Variants in CENPC observed in about 807,000 individuals in gnomAD.
CENPC encodes centromere protein C.
Under a neutral mutation model 112.1 loss-of-function variants are expected in CENPC, and 63 were observed. That is an observed-to-expected ratio of 0.56 (90% CI 0.46 to 0.69). The LOEUF is 0.69. CENPC is among the 30% of genes least tolerant of loss of function. CENPC has a pLI of 0.00. For synonymous variants in CENPC, 333 were observed against 367.6 expected (o/e 0.91, Z 1.08); for missense variants, 1,000 against 1,103.8 (o/e 0.91, Z 1.33).
chr4:67,494,549 G>A (rs953064886), intron 13 of CENPC, among the ~76,000 whole-genome samples: 1 of 151,368 alleles, frequency 6.6e-6, no homozygotes, highest in African/African-American at 2.4e-5. Flanking sequence ...CTAAGTTCTG[G>A]AGTAAGGCAA....
At chr4:67,498,986 G>C (rs1347304587) in intron 12 of CENPC, among the ~76,000 whole-genome samples, 1 of 152,156 alleles carries the variant, frequency 6.6e-6, no homozygotes, top group Non-Finnish European at 1.5e-5. Context: ...ATTATTCCTT[G>C]ATCCATGCAT....
chr4:67,485,346 C>T (rs1483002490), intron 17 of CENPC, among the ~76,000 whole-genome samples: 1 of 152,194 alleles, frequency 6.6e-6, no homozygotes, highest in Non-Finnish European at 1.5e-5. Context: ...ATAGGTAGCA[C>T]ACACTGGCAG....
At chr4:67,493,535 C>A in intron 14 of CENPC, 1 of 204,984 alleles carries the variant, frequency 4.9e-6, no homozygotes, top group Non-Finnish European at 9.9e-6. Flanking sequence ...TCTTGCCCAC[C>A]CTACACTACT....
chr4:67,478,595 C>T (rs939136515), intron 17 of CENPC, among the ~76,000 whole-genome samples: 10 of 150,662 alleles, frequency 6.6e-5, no homozygotes, highest in Admixed American at 6.0e-4. Context: ...CAAAATAGAA[C>T]CTCCTTAAAG....
At chr4:67,524,121 T>G (rs183543761) in intron 5 of CENPC, among the ~76,000 whole-genome samples, 1 of 151,760 alleles carries the variant, frequency 6.6e-6, no homozygotes, top group Admixed American at 6.6e-5. Flanking sequence ...GAAAAAAAAC[T>G]ACAAAATGAT....
At chr4:67,504,258 A>G (rs948922423) in intron 12 of CENPC, among the ~76,000 whole-genome samples, 1 of 152,130 alleles carries the variant, frequency 6.6e-6, no homozygotes, top group Non-Finnish European at 1.5e-5. Flanking sequence ...ACTACATAGC[A>G]AAATCTATCA....
chr4:67,509,418 AAGGTGAC>A (rs1446426674), intron 9 of CENPC, among the ~76,000 whole-genome samples: 1 of 152,044 alleles, frequency 6.6e-6, no homozygotes, highest in East Asian at 1.9e-4. Context: ...GATATTCCCC[AAGGTGAC>A]AGCTTCAGCT....
intron 15 of CENPC, 49 bp from the exon 16 acceptor site, chr4:67,492,324 C>T: frequency 7.9e-7 from 1 of 1,271,392 alleles, no homozygotes; most frequent in South Asian, 1.4e-5. Flanking sequence ...TAAAATTATT[C>T]TCAATCCCAA....
Position 67,539,942 on chromosome 4 carries a change from A to G in CENPC, c.137-8T>C, listed in dbSNP as rs1159032579. The G allele has an allele frequency of 6.9e-7, 1 of 1,445,154 alleles. No homozygotes were observed. Among genetic ancestry groups the G allele is most frequent in the Non-Finnish European group, 9.2e-7 (1 of 1,081,218 alleles). The allele number at this position is 1,445,154 out of a possible 1,614,324, so 89.5% of individuals were successfully genotyped here. ...TAAAATCATTGGCAAGACCTAAAAC[A>G]AAAGTATGAAATTTTCAAAAACAAG... On this transcript the variant is annotated splice_polypyrimidine_tract_variant and splice_region_variant and intron_variant, in intron 3 of 18. Transcript: ENST00000273853.
chr4:67,483,171 C>T (rs150793611), intron 17 of CENPC, among the ~76,000 whole-genome samples: 15 of 152,238 alleles, frequency 9.9e-5, no homozygotes, highest in African/African-American at 3.6e-4. Flanking sequence ...AACCTCTTTC[C>T]TTTCAAAATT....
chr4:67,521,117 T>A (rs903424505), intron 5 of CENPC, among the ~76,000 whole-genome samples: 9 of 151,194 alleles, frequency 6.0e-5, no homozygotes, highest in African/African-American at 1.9e-4. Flanking sequence ...AACAAAAGAT[T>A]TAAGTAGTCT....
chr4:67,518,410 G>C (rs190946402), intron 6 of CENPC, 42 bp from the exon 7 acceptor site: 62 of 1,461,526 alleles, frequency 4.2e-5, no homozygotes, highest in Non-Finnish European at 5.1e-5. Flanking sequence ...CTCCCGTAAC[G>C]TTTCTTGAGT....
chr4:67,487,967 A>G lies in CENPC; in HGVS notation c.2670+2000T>C, dbSNP rs375679752. ...GCTTCATGTTTTAAAATGTAAAAAT[A>G]CGAGTCTTATTAAAAAAAACTTCAG... is the stretch of plus-strand genomic sequence containing the variant. On this transcript the variant is annotated intron_variant, in intron 17 of 18. Coordinates refer to ENST00000273853, the MANE Select transcript of CENPC (RefSeq NM_001812.4). Among the ~76,000 whole-genome samples, 39 of 151,846 alleles carry G rather than the reference A, an allele frequency of 2.6e-4. No individual in the cohort carries two copies. In the East Asian group the frequency reaches 2.9e-3, roughly 11 times the overall value.
At chr4:67,528,312 A>G (rs1449079437) in intron 5 of CENPC, among the ~76,000 whole-genome samples, 1 of 152,196 alleles carries the variant, frequency 6.6e-6, no homozygotes, top group Non-Finnish European at 1.5e-5. Flanking sequence ...GCTTTATTAA[A>G]ATATTTTTTA....
intron 7 of CENPC, among the ~76,000 whole-genome samples, chr4:67,515,687 A>G (rs1200306078): frequency 6.6e-6 from 1 of 152,028 alleles, no homozygotes; most frequent in Non-Finnish European, 1.5e-5. Context: ...AACTTATGAC[A>G]GCATGTGTGT....
Position 67,519,408 on chromosome 4 carries a change from A to T in CENPC, c.426T>A (p.Asn142Lys). The T allele has an allele frequency of 1.9e-6, 3 of 1,612,650 alleles. No individual in the cohort carries two copies. The South Asian group carries it at 3.3e-5, about 18-fold the overall frequency. ...CTTCATCAGCTTCACTGTGATGATC[A>T]TTTATGTTTCTACTTGATATTTTTT... Reference protein sequence around the residue: ...DSKKISSRNINDHHSEADEEF... With the variant: ...DSKKISSRNIKDHHSEADEEF... The change falls in exon 6 of 19, where the codon AAT becomes AAA. Residue 142 changes from asparagine to lysine, a missense_variant. Physicochemically the swap from Asn to Lys is moderately conservative, Grantham distance 94. Transcript: ENST00000273853.
At chr4:67,505,596 T>C (rs1337766808) in intron 11 of CENPC, among the ~76,000 whole-genome samples, 1 of 152,224 alleles carries the variant, frequency 6.6e-6, no homozygotes, top group East Asian at 1.9e-4. Flanking sequence ...TAATACCTAA[T>C]ACAATGTAAA....
intron 17 of CENPC, among the ~76,000 whole-genome samples, chr4:67,476,313 A>T (rs937741739): frequency 2.0e-5 from 3 of 152,206 alleles, no homozygotes; most frequent in Non-Finnish European, 1.5e-5. Flanking sequence ...TGCAAACTCC[A>T]TGAGACAGCT....
chr4:67,529,678 A>C (rs1726488552), intron 5 of CENPC, among the ~76,000 whole-genome samples: 1 of 152,172 alleles, frequency 6.6e-6, no homozygotes, highest in African/African-American at 2.4e-5. Context: ...TAAAAAACCT[A>C]AATAACATAA....
Sources: gnomAD v4.1 joint callset for allele counts (sites outside exome capture counted in the v4.1 genomes callset) on GRCh38, gnomAD v4.1.1 for gene constraint, MANE v1.5 for transcripts, NCBI Gene and HGNC (gene_info 2026-07-23, HGNC 2026-07-21) for gene names.